The following OR14L1 variants were observed in gnomAD, a reference collection of about 807,000 sequenced individuals.
The protein encoded by OR14L1 is olfactory receptor 14L1.
chr1:247,618,431 C>T, the OR14L1 span, among the ~76,000 whole-genome samples: 1 of 151,982 alleles, frequency 6.6e-6, no homozygotes, highest in Non-Finnish European at 1.5e-5. Context: ...ATTCCAGCTA[C>T]ATTATTTGAT....
the OR14L1 span, among the ~76,000 whole-genome samples, chr1:247,618,789 A>T: frequency 3.9e-5 from 6 of 152,128 alleles, no homozygotes; most frequent in Admixed American, 3.9e-4. Flanking sequence ...TTTCTTCAAA[A>T]ATATCAGTCT....
the OR14L1 span, among the ~76,000 whole-genome samples, chr1:247,618,882 C>G: frequency 1.3e-5 from 2 of 152,168 alleles, no homozygotes; most frequent in Non-Finnish European, 2.9e-5. Flanking sequence ...CAAAATAAGA[C>G]CAATCTCTTT....
chr1:247,619,913 T>C, the OR14L1 span: 2 of 152,246 alleles, frequency 1.3e-5, no homozygotes, highest in African/African-American at 4.8e-5. Context: ...GATACTTCCA[T>C]TTCTTTCTTT....
the OR14L1 span, among the ~76,000 whole-genome samples, chr1:247,618,202 C>A: frequency 6.6e-6 from 1 of 152,010 alleles, no homozygotes; most frequent in Non-Finnish European, 1.5e-5. Context: ...TTTTCTTTCT[C>A]GGTTTAACTT....
At chr1:247,621,165 T>C in the OR14L1 span, 3 of 152,134 alleles carry the variant, frequency 2.0e-5, no homozygotes, top group South Asian at 6.2e-4. Flanking sequence ...AGAGGAGAAA[T>C]GTCATTTTCA....
the OR14L1 span, chr1:247,621,913 T>TCCACA: frequency 6.6e-6 from 1 of 152,124 alleles, no homozygotes; most frequent in Non-Finnish European, 1.5e-5. Context: ...TAGTATTCCA[T>TCCACA]TGTGTGTGTA....
chr1:247,617,701 TGTGTGTGTGC>T, the OR14L1 span, among the ~76,000 whole-genome samples: 5 of 148,788 alleles, frequency 3.4e-5, no homozygotes, highest in African/African-American at 5.1e-5. Flanking sequence ...AAGGTGTGTG[TGTGTGTGTGC>T]GTGTGTGTGT....
At chr1:247,617,841 A>T in the OR14L1 span, among the ~76,000 whole-genome samples, 3 of 152,068 alleles carry the variant, frequency 2.0e-5, no homozygotes, top group Non-Finnish European at 2.9e-5. Context: ...GTTTGCATTG[A>T]CTGAATTTTA....
chr1:247,621,650 T>C, the OR14L1 span: 2 of 152,242 alleles, frequency 1.3e-5, no homozygotes, highest in Non-Finnish European at 2.9e-5. Context: ...CCTTCCTGTC[T>C]AACTGGAACT....
chr1:247,620,175 T>C, the OR14L1 span: 2 of 152,174 alleles, frequency 1.3e-5, no homozygotes, highest in Non-Finnish European at 2.9e-5. Context: ...AATTTTTCTG[T>C]AATATTCCAC....
chr1:247,618,298 A>G, the OR14L1 span, among the ~76,000 whole-genome samples: 2 of 152,164 alleles, frequency 1.3e-5, no homozygotes, highest in Non-Finnish European at 2.9e-5. Context: ...AAGAAGGATA[A>G]GGAATATTTT....
At chr1:247,621,584 A>C in the OR14L1 span, 1 of 152,190 alleles carries the variant, frequency 6.6e-6, no homozygotes, top group African/African-American at 2.4e-5. Flanking sequence ...TGAAACACAC[A>C]ATACATTGGT....
the OR14L1 span, among the ~76,000 whole-genome samples, chr1:247,618,185 A>G: frequency 1.3e-5 from 2 of 152,270 alleles, no homozygotes; most frequent in Admixed American, 6.5e-5. Flanking sequence ...AGTTGACTCC[A>G]TTTTGGTTTT....
At chr1:247,617,785 C>CTATATGTGTGTGTGT in the OR14L1 span, among the ~76,000 whole-genome samples, 1 of 39,284 alleles carries the variant, frequency 2.5e-5, no homozygotes, top group African/African-American at 1.6e-4. Context: ...GGTGAAAGTT[C>CTATATGTGTGTGTGT]TGTATGTGTG....
the OR14L1 span, chr1:247,620,710 A>G: frequency 6.6e-6 from 1 of 152,204 alleles, no homozygotes; most frequent in African/African-American, 2.4e-5. Flanking sequence ...AAATTCAGCT[A>G]TAGTTTACCA....
At chr1:247,618,194 T>G in the OR14L1 span, among the ~76,000 whole-genome samples, 1 of 152,166 alleles carries the variant, frequency 6.6e-6, no homozygotes, top group East Asian at 1.9e-4. Flanking sequence ...CATTTTGGTT[T>G]TCTTTCTCGG....
the OR14L1 span, chr1:247,620,745 A>T: frequency 6.6e-6 from 1 of 152,212 alleles, no homozygotes; most frequent in Non-Finnish European, 1.5e-5. Flanking sequence ...GGGTGAATTC[A>T]ACCTTAGAAT....
the OR14L1 span, among the ~76,000 whole-genome samples, chr1:247,619,169 A>G: frequency 6.6e-6 from 1 of 152,162 alleles, no homozygotes; most frequent in Non-Finnish European, 1.5e-5. Flanking sequence ...GATTACTAAT[A>G]CCACTTTGAT....
chr1:247,617,705 TGTGTGC>T, the OR14L1 span, among the ~76,000 whole-genome samples: 3,481 of 150,074 alleles, frequency 0.023, 165 homozygotes, highest in African/African-American at 0.081. Context: ...TGTGTGTGTG[TGTGTGC>T]GTGTGTGTGT....
Sources: allele counts gnomAD v4.1 joint callset (sites outside exome capture counted in the v4.1 genomes callset), GRCh38; gene constraint gnomAD v4.1.1; transcripts MANE v1.5; gene names NCBI Gene and HGNC (gene_info 2026-07-23, HGNC 2026-07-21).